MTMR3: variants seen among roughly 807,000 people sequenced by gnomAD.
The protein encoded by MTMR3 is myotubularin related protein 3.
A neutral mutation model predicts 132.4 loss-of-function variants in MTMR3; 32 were observed. The observed-to-expected ratio is 0.24, with a 90% CI of 0.18 to 0.32. MTMR3 has a LOEUF of 0.32. MTMR3 is among the 10% of genes least tolerant of loss of function. The probability of loss-of-function intolerance (pLI) is 1.00; values close to 1 mark genes in which losing one functional copy is unlikely to be tolerated. For missense variants in MTMR3, 1,216 were observed against 1,489.6 expected (o/e 0.82, Z 3.02); for synonymous variants, 556 against 550.3 (o/e 1.01, Z -0.14).
chr22:29,897,805 C>G (rs1189980348), intron 1 of MTMR3, among the ~76,000 whole-genome samples: 2 of 152,050 alleles, frequency 1.3e-5, no homozygotes, highest in African/African-American at 4.8e-5. Context: ...TTTTGTCATC[C>G]TCTTAGATCG....
intron 1 of MTMR3, among the ~76,000 whole-genome samples, chr22:29,915,537 T>A (rs1337566429): frequency 6.6e-6 from 1 of 152,316 alleles, no homozygotes; most frequent in Non-Finnish European, 1.5e-5. Flanking sequence ...TTCTCCTGCC[T>A]CAGCCTCCTG....
At chr22:29,989,974 T>A (rs2145906914) in intron 6 of MTMR3, 1 of 152,400 alleles carries the variant, frequency 6.6e-6, no homozygotes, top group African/African-American at 2.4e-5. Context: ...CTCACGCCTG[T>A]AATCCTAGCA....
rs184994246 is a variant in MTMR3 at position 29,931,079 on chromosome 22, A to T, written c.-137-25957A>T. ...AGAGTGGTTGGTTTAAAAATCTTGAATTTCTCTATAGTTGAGAATTGTTTC... is the reference window on the plus strand; with the variant it reads ...AGAGTGGTTGGTTTAAAAATCTTGATTTTCTCTATAGTTGAGAATTGTTTC... On this transcript the variant is annotated intron_variant, in intron 1 of 19. Transcript: ENST00000401950. Among the ~76,000 whole-genome samples the T allele has an allele frequency of 4.5e-3, 677 of 152,106 alleles. 6 individuals carry two copies. Among genetic ancestry groups the T allele is most frequent in the African/African-American group, 0.015 (639 of 41,508 alleles).
intron 1 of MTMR3, among the ~76,000 whole-genome samples, chr22:29,918,883 T>C (rs150571204): frequency 6.2e-4 from 94 of 152,274 alleles, no homozygotes; most frequent in African/African-American, 2.2e-3. Context: ...GATTGTCTGT[T>C]TGTATGGTTA....
intron 1 of MTMR3, among the ~76,000 whole-genome samples, chr22:29,909,464 T>C (rs2065165362): frequency 6.6e-6 from 1 of 152,216 alleles, no homozygotes; most frequent in African/African-American, 2.4e-5. Context: ...CTGTAAATTA[T>C]TTATTAGCTA....
At chr22:30,021,732 T>TA in intron 17 of MTMR3, 1 of 344,236 alleles carries the variant, frequency 2.9e-6, no homozygotes, top group Admixed American at 4.4e-5. Flanking sequence ...GCAGCTGACA[T>TA]ACAGAATTCT....
In MTMR3 at chr22:30,025,836, C is replaced by A. The variant is rs1446835160; in HGVS notation, c.*35C>A. On this transcript the variant is annotated 3_prime_UTR_variant, in exon 20 of 20. Transcript: ENST00000401950. ...ACCTGGGTGGGCAGTGGCCAAGCTG[C>A]TGTTCCTATGACAGGCCCACTCAAC... The A allele has an allele frequency of 6.2e-7, 1 of 1,610,594 alleles. No homozygotes were observed. Among genetic ancestry groups the A allele is most frequent in the South Asian group, 1.1e-5 (1 of 90,970 alleles).
intron 7 of MTMR3, chr22:29,994,940 A>G (rs1231676794): frequency 6.6e-6 from 1 of 152,248 alleles, no homozygotes; most frequent in African/African-American, 2.4e-5. Flanking sequence ...AACTCTAAAA[A>G]AGTGGACTGA....
Position 29,998,761 on chromosome 22 carries a change from G to A in MTMR3, c.461G>A (p.Gly154Glu). 6.2e-7 allele frequency: 1 copy of A among 1,611,338 alleles called. No individual in the cohort carries two copies. The highest frequency in any genetic ancestry group is 8.5e-7 in the Non-Finnish European group (1 of 1,178,580). The change falls in exon 8 of 20, where the codon GGG becomes GAG. Residue 154 changes from glycine to glutamate, a missense_variant and splice_region_variant. By Grantham distance (98) the Gly-to-Glu change is moderately conservative. This residue lies in a region of MTMR3 where 129 missense variants were observed against 245.7 expected (regional missense o/e 0.53). Coordinates refer to ENST00000401950, the MANE Select transcript of MTMR3 (RefSeq NM_021090.4). ...TCTGCTGTTTATCTTTGGCCTCTAG[G>A]GGAGCATGTAACTTCAAGGTTTAAA... ...KEQHGDLCRP[G>E]EHVTSRFKNE...
intron 3 of MTMR3, among the ~76,000 whole-genome samples, chr22:29,974,707 AAGTC>A (rs1465518624): frequency 6.6e-6 from 1 of 152,230 alleles, no homozygotes; most frequent in East Asian, 1.9e-4. Context: ...TCTGTGCTAA[AAGTC>A]AGCAGAAAAC....
chr22:29,994,032 C>A, intron 7 of MTMR3: 1 of 784,100 alleles, frequency 1.3e-6, no homozygotes, highest in Non-Finnish European at 1.5e-6. Context: ...GTGGGACATT[C>A]ATGCTCTTCC....
intron 1 of MTMR3, among the ~76,000 whole-genome samples, chr22:29,949,126 C>CCCCCGAGGCCCTGTCTTAAA (rs2066009833): frequency 2.5e-5 from 1 of 40,136 alleles, no homozygotes; most frequent in African/African-American, 1.2e-4. Context: ...CACACACACA[C>CCCCCGAGGCCCTGTCTTAAA]ACACACACAC....
At chr22:29,894,808 T>C (rs1196609245) in intron 1 of MTMR3, among the ~76,000 whole-genome samples, 2 of 152,250 alleles carry the variant, frequency 1.3e-5, no homozygotes, top group African/African-American at 2.4e-5. Flanking sequence ...GTTAGTTTAC[T>C]GCACACTTGT....
intron 1 of MTMR3, among the ~76,000 whole-genome samples, chr22:29,899,993 T>C (rs2064974145): frequency 6.6e-6 from 1 of 152,366 alleles, no homozygotes; most frequent in Non-Finnish European, 1.5e-5. Flanking sequence ...TGATGTAACT[T>C]TTCCACTACT....
At chr22:29,907,788 CTT>C (rs917811348) in intron 1 of MTMR3, among the ~76,000 whole-genome samples, 96 of 151,652 alleles carry the variant, frequency 6.3e-4, no homozygotes, top group African/African-American at 2.2e-3. Context: ...GTATCTGTAT[CTT>C]TTTTTTTGAT....
At position 30,022,189 on chromosome 22, in the gene MTMR3, GTTC is replaced by G. The variant is rs1310285562; in HGVS notation, c.3336+55_3336+57del. ...GTGCCATCAATTTAACTGTTTTGTG[GTTC>G]TTCTCCACCCCCATTCCCACCCCAT... On this transcript the variant is annotated intron_variant, in intron 18 of 19. Transcript: ENST00000401950. The G allele has an allele frequency of 2.7e-6, 4 of 1,456,370 alleles. No individual in the cohort carries two copies. The African/African-American group carries it at 4.2e-5, about 15-fold the overall frequency. 90.2% of individuals were successfully genotyped at this position (1,456,370 alleles called of 1,614,324 possible). A position where few individuals can be genotyped will look rare whatever the true frequency, so the allele number is the denominator to read the frequency against.
chr22:29,902,199 AAAT>A (rs1414135860), intron 1 of MTMR3, among the ~76,000 whole-genome samples: 2 of 152,188 alleles, frequency 1.3e-5, no homozygotes, highest in African/African-American at 4.8e-5. Flanking sequence ...CTGTTTGTAT[AAAT>A]AATCTTATAA....
chr22:29,905,331 G>T (rs530940648), intron 1 of MTMR3, among the ~76,000 whole-genome samples: 4 of 152,118 alleles, frequency 2.6e-5, no homozygotes, highest in Non-Finnish European at 1.5e-5. Context: ...AAAGAAATCC[G>T]CACATGAGTG....
chr22:29,947,823 C>A (rs1206637503), intron 1 of MTMR3, among the ~76,000 whole-genome samples: 1 of 152,100 alleles, frequency 6.6e-6, no homozygotes, highest in East Asian at 1.9e-4. Flanking sequence ...ATAAATATTA[C>A]TAATTTTAAA....
Sources: allele counts gnomAD v4.1 joint callset (sites outside exome capture counted in the v4.1 genomes callset), GRCh38; gene constraint gnomAD v4.1.1; regional missense constraint gnomAD v4.1.1; transcripts MANE v1.5; gene names NCBI Gene and HGNC (gene_info 2026-07-23, HGNC 2026-07-21).